BICRAL: variants seen among roughly 807,000 people sequenced by gnomAD.
BICRAL encodes the protein BRD4-interacting chromatin-remodeling complex-associated protein-like.
BICRAL carries 8 observed loss-of-function variants against 91.8 expected under a neutral mutation model. The observed-to-expected ratio is 0.09, with a 90% CI of 0.05 to 0.16. The LOEUF (loss-of-function observed/expected upper bound fraction) is 0.16. Among genes scored for constraint, BICRAL ranks in the 10% least tolerant of loss-of-function variants. BICRAL has a pLI of 1.00. For missense variants in BICRAL, 1,038 were observed against 1,310.9 expected, an observed-to-expected ratio of 0.79 and a Z score of 3.21; for synonymous variants, 445 against 491.1, an observed-to-expected ratio of 0.91 and a Z score of 1.24.
intron 1 of BICRAL, among the ~76,000 whole-genome samples, chr6:42,807,891 T>G (rs1763753891): frequency 6.6e-6 from 1 of 152,194 alleles, no homozygotes; most frequent in Admixed American, 6.5e-5. Flanking sequence ...TTACAGAATT[T>G]CAATGCTGAT....
At chr6:42,782,742 G>A (rs1276490933) in intron 1 of BICRAL, among the ~76,000 whole-genome samples, 1 of 151,688 alleles carries the variant, frequency 6.6e-6, no homozygotes, top group Admixed American at 6.6e-5. Flanking sequence ...CCGCCCCCCG[G>A]AGCCGCCGGG....
intron 6 of BICRAL, among the ~76,000 whole-genome samples, chr6:42,848,727 C>T (rs1765093799): frequency 6.6e-6 from 1 of 152,038 alleles, no homozygotes; most frequent in Non-Finnish European, 1.5e-5. Flanking sequence ...ACCTGTAGTC[C>T]CGGCTACTCG....
chr6:42,750,873 C>T (rs1346999313), intron 1 of BICRAL, among the ~76,000 whole-genome samples: 16 of 139,076 alleles, frequency 1.2e-4, no homozygotes, highest in Non-Finnish European at 2.3e-4. Context: ...CCACCGCGCC[C>T]GGCCTTTTTT....
At chr6:42,756,816 T>C (rs1762466477) in intron 1 of BICRAL, among the ~76,000 whole-genome samples, 1 of 151,872 alleles carries the variant, frequency 6.6e-6, no homozygotes, top group Admixed American at 6.6e-5. Context: ...GGCTGTGGGC[T>C]GGGGCACCTG....
At chr6:42,762,533 T>C (rs1582801704) in intron 1 of BICRAL, among the ~76,000 whole-genome samples, 1 of 152,352 alleles carries the variant, frequency 6.6e-6, no homozygotes, top group East Asian at 1.9e-4. Context: ...TAGTGGTATA[T>C]GAGGTGTCTT....
At chr6:42,854,556 C>G (rs1331595857) in intron 8 of BICRAL, among the ~76,000 whole-genome samples, 1 of 152,084 alleles carries the variant, frequency 6.6e-6, no homozygotes, top group East Asian at 1.9e-4. Context: ...CTCACCCTGT[C>G]ACTCAGACTG....
At chr6:42,788,432 G>A (rs6908434) in intron 1 of BICRAL, among the ~76,000 whole-genome samples, 71,882 of 151,660 alleles carry the variant, frequency 0.47, 18,651 homozygotes, top group African/African-American at 0.69. Context: ...ATGTTAGCCA[G>A]GCTGGTCTCG....
chr6:42,826,045 C>T (rs937512685), intron 5 of BICRAL, among the ~76,000 whole-genome samples: 69 of 151,814 alleles, frequency 4.5e-4, no homozygotes, highest in African/African-American at 1.5e-3. Context: ...GATCGGGCCA[C>T]TGCACTCCAG....
At chr6:42,833,058 C>CTT (rs1292449197) in intron 6 of BICRAL, among the ~76,000 whole-genome samples, 2 of 139,794 alleles carry the variant, frequency 1.4e-5, no homozygotes, top group Non-Finnish European at 3.1e-5. Context: ...GGTAGACTGT[C>CTT]TTTTTTTTTT....
In BICRAL at chr6:42,806,624, C is replaced by T. The variant is rs560318530; in HGVS notation, c.-101-3682C>T. 3.3e-5 allele frequency among the ~76,000 whole-genome samples: 5 copies of T among 151,378 alleles called. No homozygotes were observed. The South Asian group carries it at 6.3e-4, about 19-fold the overall frequency. On this transcript the variant is annotated intron_variant, in intron 1 of 12. Coordinates refer to ENST00000314073, the MANE Select transcript of BICRAL (RefSeq NM_001393499.1). ...ACCTCCCAGGCTCCATTGATCCTCCCGCCTTAGCCTCCCATGTAGCTGGGA... is the reference window on the plus strand; with the variant it reads ...ACCTCCCAGGCTCCATTGATCCTCCTGCCTTAGCCTCCCATGTAGCTGGGA...
chr6:42,811,353 T>A (rs12661461), intron 2 of BICRAL, among the ~76,000 whole-genome samples: 1 of 152,190 alleles, frequency 6.6e-6, no homozygotes, highest in Non-Finnish European at 1.5e-5. Flanking sequence ...CCGGGCACGG[T>A]GGCTCACGCC....
chr6:42,812,131 G>C lies in BICRAL; in HGVS notation c.-6+1730G>C, dbSNP rs115730266. On this transcript the variant is annotated intron_variant, in intron 2 of 12. Transcript: ENST00000314073. The stretch of plus-strand genomic sequence containing the variant: ...CAACAACAAAATCAATCAATAGAAA[G>C]AGATGCAGAAATTATACAAATGATA... Among the ~76,000 whole-genome samples, 1,088 of 152,248 alleles carry C rather than the reference G, an allele frequency of 7.1e-3. 6 individuals carry two copies. Among genetic ancestry groups the C allele is most frequent in the African/African-American group, 0.023 (960 of 41,556 alleles).
upstream of BICRAL, among the ~76,000 whole-genome samples, chr6:42,746,734 C>A (rs971051055): frequency 2.6e-5 from 4 of 152,126 alleles, no homozygotes; most frequent in African/African-American, 9.7e-5. Flanking sequence ...CCCCTATCCA[C>A]TGCAGTTCGG....
intron 1 of BICRAL, among the ~76,000 whole-genome samples, chr6:42,802,428 T>TTTTGTTG (rs1554277647): frequency 6.3e-4 from 66 of 104,038 alleles, no homozygotes; most frequent in Admixed American, 1.4e-3. Context: ...CGTGTTTTTT[T>TTTTGTTG]TTGTTGTTGT....
At chr6:42,750,453 C>G (rs974112704) in intron 1 of BICRAL, among the ~76,000 whole-genome samples, 1 of 152,134 alleles carries the variant, frequency 6.6e-6, no homozygotes, top group Non-Finnish European at 1.5e-5. Context: ...TGTGAGCCCC[C>G]ACGCCTGGCC....
In BICRAL at chr6:42,815,762, C is replaced by T. The variant is rs191525219; in HGVS notation, c.-6+5361C>T. On this transcript the variant is annotated intron_variant, in intron 2 of 12. Transcript: ENST00000314073. ...CAGCACTTTGGGAGCCTGAGGTGGG[C>T]GGATCACCTGAGGTCAGGAGTTCGA... Among the ~76,000 whole-genome samples, 714 of 149,956 alleles carry T rather than the reference C, an allele frequency of 4.8e-3. 6 individuals are homozygous for T. The highest frequency in any genetic ancestry group is 7.5e-3 in the Non-Finnish European group (506 of 67,330).
intron 1 of BICRAL, among the ~76,000 whole-genome samples, chr6:42,759,133 C>T (rs867942548): frequency 3.5e-4 from 53 of 152,094 alleles, no homozygotes; most frequent in African/African-American, 1.2e-3. Flanking sequence ...CATGGGCAAC[C>T]AGGGTTATAA....
intron 1 of BICRAL, among the ~76,000 whole-genome samples, chr6:42,766,781 C>G (rs1762638965): frequency 2.0e-5 from 3 of 152,098 alleles, no homozygotes; most frequent in Admixed American, 2.0e-4. Flanking sequence ...TGGCTCACAC[C>G]TGTAATCCCA....
upstream of BICRAL, among the ~76,000 whole-genome samples, chr6:42,777,190 A>G (rs181029664): frequency 1.1e-4 from 17 of 152,358 alleles, no homozygotes; most frequent in Admixed American, 9.8e-4. Context: ...CATAACTAAA[A>G]TAAGGCAGTA....
Sources: gnomAD v4.1 joint callset for allele counts (sites outside exome capture counted in the v4.1 genomes callset) on GRCh38, gnomAD v4.1.1 for gene constraint, MANE v1.5 for transcripts, NCBI Gene and HGNC (gene_info 2026-07-23, HGNC 2026-07-21) for gene names.